Variants in KHDRBS1 observed in about 807,000 individuals in gnomAD.
The protein encoded by KHDRBS1 is KH domain-containing, RNA-binding, signal transduction-associated protein 1.
KHDRBS1 carries 7 observed loss-of-function variants against 48.4 expected under a neutral mutation model. The observed-to-expected ratio is 0.14, with a 90% CI of 0.08 to 0.27. The LOEUF (loss-of-function observed/expected upper bound fraction) is 0.27. KHDRBS1 is among the 10% of genes least tolerant of loss of function. KHDRBS1 has a pLI of 1.00. For synonymous variants in KHDRBS1, 241 were observed against 235.8 expected (o/e 1.02, Z -0.20); for missense variants, 458 against 601.2 (o/e 0.76, Z 2.49).
chr1:32,051,676 T>C (rs778614326), intron 10 of KHDRBS1, among the ~76,000 whole-genome samples: 6 of 152,248 alleles, frequency 3.9e-5, no homozygotes, highest in Admixed American at 2.0e-4. Flanking sequence ...GTCTCCAGGG[T>C]GGACACTTGG....
At chr1:32,028,249 C>G (rs1367128159) in intron 1 of KHDRBS1, among the ~76,000 whole-genome samples, 2 of 152,102 alleles carry the variant, frequency 1.3e-5, no homozygotes, top group South Asian at 2.1e-4. Flanking sequence ...TCAGAATTAC[C>G]TGGGAACTTG....
At chr1:32,047,311 A>G (rs1218298677), downstream of KHDRBS1, among the ~76,000 whole-genome samples, 1 of 152,080 alleles carries the variant, frequency 6.6e-6, no homozygotes, top group Non-Finnish European at 1.5e-5. Flanking sequence ...GGCACACACC[A>G]CCACGCCTGG....
At chr1:32,026,833 C>T (rs933278181) in intron 1 of KHDRBS1, among the ~76,000 whole-genome samples, 1 of 152,158 alleles carries the variant, frequency 6.6e-6, no homozygotes, top group African/African-American at 2.4e-5. Context: ...CTTGCCCTAT[C>T]GCCCAAGCTG....
rs559949458 is a variant in KHDRBS1 at position 32,038,570 on chromosome 1, G to A, written c.1126G>A (p.Ala376Thr). ...YEEYGYDDTY[A>T]EQSYEGYEGY... ...GTTCTAGGGATATGATGATACATAC[G>A]CAGAACAAAGTTACGAAGGCTACGA... The change falls in exon 7 of 9, where the codon GCA becomes ACA. Residue 376 changes from alanine (A) to threonine (T), a missense_variant. Transcript: ENST00000327300. 22 of 1,613,660 alleles carry A rather than the reference G, an allele frequency of 1.4e-5. No individual in the cohort carries two copies. Among genetic ancestry groups the A allele is most frequent in the African/African-American group, 1.1e-4 (8 of 75,002 alleles).
At chr1:32,020,390 C>T (rs972204046) in intron 1 of KHDRBS1, among the ~76,000 whole-genome samples, 1 of 150,388 alleles carries the variant, frequency 6.6e-6, no homozygotes, top group African/African-American at 2.4e-5. Flanking sequence ...CGTGCCACTG[C>T]ACTCCAGCTT....
rs941210108 is a variant in KHDRBS1, at chr1:32,043,320, CTT to C, written c.*700_*701del. Reference sequence around the variant, plus strand: ...AACAAAATTAGGCTTGTAAAACTGACTTTTTCATTACGTGGGTTTTGAAATCT... The same window carrying C: ...AACAAAATTAGGCTTGTAAAACTGACTTTCATTACGTGGGTTTTGAAATCT... On this transcript the variant is annotated 3_prime_UTR_variant, in exon 9 of 9. Transcript: ENST00000327300. 3 of 151,892 alleles carry C rather than the reference CTT, an allele frequency of 2.0e-5. No homozygotes were observed. The highest frequency in any genetic ancestry group is 1.3e-4 in the Admixed American group (2 of 15,200). The allele number at this position is 151,892 out of a possible 1,614,324, so 9.4% of individuals were successfully genotyped here. A position where few individuals can be genotyped will look rare whatever the true frequency, so the allele number is the denominator to read the frequency against.
chr1:32,056,964 C>CCTAA (rs1553225410), intron 10 of KHDRBS1, among the ~76,000 whole-genome samples: 8 of 152,002 alleles, frequency 5.3e-5, no homozygotes, highest in Admixed American at 3.3e-4. Flanking sequence ...TCATAAATAA[C>CCTAA]ATAATTTCAA....
rs549186011 is a variant in KHDRBS1 at position 32,025,476 on chromosome 1, CT to C, written c.383-4818del. ...CCACCATGCCCAGCTCATTTTTGTA[CT>C]TTTAATAGAGATGGGGTTTCACTGT... On this transcript the variant is annotated intron_variant, in intron 1 of 8. Coordinates refer to ENST00000327300, the MANE Select transcript of KHDRBS1 (RefSeq NM_006559.3). Among the ~76,000 whole-genome samples the C allele has an allele frequency of 8.1e-4, 123 of 150,934 alleles. 1 individual carries two copies. The highest frequency in any genetic ancestry group is 1.6e-3 in the Admixed American group (24 of 15,124).
chr1:32,028,948 G>C (rs1349295001), intron 1 of KHDRBS1, among the ~76,000 whole-genome samples: 1 of 152,028 alleles, frequency 6.6e-6, no homozygotes, highest in Non-Finnish European at 1.5e-5. Flanking sequence ...GGGAACTCCA[G>C]TATATAAACA....
At position 32,037,216 on chromosome 1, in the gene KHDRBS1, C is replaced by G. The variant is rs148117020; in HGVS notation, c.905+173C>G. Among the ~76,000 whole-genome samples, 754 of 152,244 alleles carry G rather than the reference C, an allele frequency of 5.0e-3. 2 individuals are homozygous for G. Among genetic ancestry groups the G allele is most frequent in the African/African-American group, 0.017 (710 of 41,532 alleles). ...CCTGTAATCCCAGCACTTTAGGAGG[C>G]TAAGGCAGGCGGATCAACTGACATT... On this transcript the variant is annotated intron_variant, in intron 5 of 8. Transcript: ENST00000327300.
downstream of KHDRBS1, among the ~76,000 whole-genome samples, chr1:32,044,135 AT>A (rs1167294982): frequency 6.6e-6 from 1 of 152,220 alleles, no homozygotes; most frequent in East Asian, 1.9e-4. Context: ...AAAAATTCTA[AT>A]TTATGGAGAG....
At chr1:32,017,257 CA>C (rs1003013929) in intron 1 of KHDRBS1, among the ~76,000 whole-genome samples, 4,180 of 109,078 alleles carry the variant, frequency 0.038, 173 homozygotes, top group African/African-American at 0.12. Context: ...GACTCCGTCT[CA>C]AAAAAAAAAA....
chr1:32,024,317 AT>A (rs561759357), intron 1 of KHDRBS1, among the ~76,000 whole-genome samples: 39 of 150,274 alleles, frequency 2.6e-4, no homozygotes, highest in Non-Finnish European at 4.9e-4. Flanking sequence ...TTTTTTATTA[AT>A]TTTTTTTTAG....
intron 3 of KHDRBS1, 51 bp from the exon 4 acceptor site, chr1:32,033,137 G>T (rs779181692): frequency 7.4e-6 from 11 of 1,482,616 alleles, no homozygotes; most frequent in Non-Finnish European, 1.0e-5. Flanking sequence ...AGGTAAAGGT[G>T]GTGTTTTCTC....
At chr1:32,046,139 A>T (rs555854459), downstream of KHDRBS1, among the ~76,000 whole-genome samples, 1 of 151,882 alleles carries the variant, frequency 6.6e-6, no homozygotes, top group Non-Finnish European at 1.5e-5. Flanking sequence ...AAAACCTGTC[A>T]TCTTAATCCT....
At chr1:32,025,155 A>C (rs1053874234) in intron 1 of KHDRBS1, among the ~76,000 whole-genome samples, 1 of 151,432 alleles carries the variant, frequency 6.6e-6, no homozygotes, top group African/African-American at 2.4e-5. Flanking sequence ...GGTTGCACCT[A>C]CTGGGGGTGC....
At chr1:32,021,998 T>G (rs946536248) in intron 1 of KHDRBS1, among the ~76,000 whole-genome samples, 1 of 148,656 alleles carries the variant, frequency 6.7e-6, no homozygotes, top group African/African-American at 2.5e-5. Context: ...TCTTGCTCTG[T>G]CACCCAGGCT....
At chr1:32,048,997 A>ATTGT (rs1382650998) in intron 10 of KHDRBS1, among the ~76,000 whole-genome samples, 5 of 151,658 alleles carry the variant, frequency 3.3e-5, no homozygotes, top group Non-Finnish European at 2.9e-5. Context: ...ATTTCATACA[A>ATTGT]ATGAAATTAT....
At chr1:32,028,081 C>T (rs779902581) in intron 1 of KHDRBS1, among the ~76,000 whole-genome samples, 7 of 152,134 alleles carry the variant, frequency 4.6e-5, no homozygotes, top group Non-Finnish European at 8.8e-5. Flanking sequence ...TGCACCACTG[C>T]GCTCCAACCT....
Sources: allele counts gnomAD v4.1 joint callset (sites outside exome capture counted in the v4.1 genomes callset), GRCh38; gene constraint gnomAD v4.1.1; transcripts MANE v1.5; gene names NCBI Gene and HGNC (gene_info 2026-07-23, HGNC 2026-07-21).